Variants in SUGCT observed in about 807,000 individuals in gnomAD.
SUGCT encodes succinyl-CoA:glutarate CoA-transferase.
In SUGCT, 41 loss-of-function variants were observed where a neutral mutation model predicts 55.0. The observed-to-expected ratio is 0.74, with a 90% CI of 0.58 to 0.97. SUGCT has a LOEUF of 0.97. Ranked by LOEUF, SUGCT falls within the 50% of genes least tolerant of loss-of-function variation. SUGCT has a pLI of 0.00. For missense variants in SUGCT, 568 were observed against 547.8 expected (o/e 1.04, Z -0.37); for synonymous variants, 187 against 200.4 (o/e 0.93, Z 0.56).
intron 9 of SUGCT, among the ~76,000 whole-genome samples, chr7:40,364,177 C>T (rs1783798698): frequency 6.6e-6 from 1 of 152,020 alleles, no homozygotes; most frequent in East Asian, 1.9e-4. Context: ...GTAGATCTTC[C>T]TACATCCTTT....
At chr7:40,291,201 C>T (rs1479534257) in intron 8 of SUGCT, among the ~76,000 whole-genome samples, 1 of 152,086 alleles carries the variant, frequency 6.6e-6, no homozygotes, top group Non-Finnish European at 1.5e-5. Context: ...AAGACACATG[C>T]ACACGTGTGT....
chr7:40,769,364 C>T (rs1788971078), intron 13 of SUGCT, among the ~76,000 whole-genome samples: 1 of 152,136 alleles, frequency 6.6e-6, no homozygotes, highest in Non-Finnish European at 1.5e-5. Flanking sequence ...ATGTCTTAAT[C>T]CCTGGAACTT....
chr7:40,947,630 C>T, the SUGCT span, among the ~76,000 whole-genome samples: 1 of 152,014 alleles, frequency 6.6e-6, no homozygotes. Context: ...GTAATGGTGC[C>T]ATGTTTTATT....
chr7:40,337,692 C>T (rs1796794750), intron 9 of SUGCT, among the ~76,000 whole-genome samples: 1 of 152,156 alleles, frequency 6.6e-6, no homozygotes, highest in South Asian at 2.1e-4. Context: ...TGGGTCTTGA[C>T]TCTTTATCCA....
At position 40,239,295 on chromosome 7, in the gene SUGCT, T is replaced by C. The variant is rs147829751; in HGVS notation, c.576+1569T>C. 7.7e-3 allele frequency among the ~76,000 whole-genome samples: 1,175 copies of C among 152,196 alleles called. 7 individuals are homozygous for C. Among genetic ancestry groups the C allele is most frequent in the South Asian group, 0.015 (71 of 4,820 alleles). ...GGTGTCCCATTATGTTGCTCAGGCT[T>C]GTCTTGAACTCCTGGACTCACGACA... On this transcript the variant is annotated intron_variant, in intron 7 of 13. Coordinates refer to ENST00000335693, the MANE Select transcript of SUGCT (RefSeq NM_001193313.2).
chr7:40,241,390 C>G (rs1329902963), intron 7 of SUGCT, among the ~76,000 whole-genome samples: 1 of 151,444 alleles, frequency 6.6e-6, no homozygotes, highest in African/African-American at 2.4e-5. Context: ...ACCAGCCTGG[C>G]CAACATGGTG....
chr7:40,500,173 T>C (rs1176304582), intron 12 of SUGCT, among the ~76,000 whole-genome samples: 1 of 152,184 alleles, frequency 6.6e-6, no homozygotes, highest in Admixed American at 6.5e-5. Flanking sequence ...TATGAGTGAT[T>C]GAAGCCTCTG....
intron 12 of SUGCT, among the ~76,000 whole-genome samples, chr7:40,617,989 C>T (rs751424046): frequency 6.6e-5 from 10 of 152,114 alleles, no homozygotes; most frequent in Non-Finnish European, 1.5e-4. Context: ...GTTGCTTAGT[C>T]ATTATGTATA....
intron 12 of SUGCT, among the ~76,000 whole-genome samples, chr7:40,637,730 TAA>T (rs1800083897): frequency 6.6e-6 from 1 of 152,224 alleles, no homozygotes; most frequent in Admixed American, 6.5e-5. Context: ...CTTAGTTTTA[TAA>T]AAGTGATCAT....
intron 9 of SUGCT, among the ~76,000 whole-genome samples, chr7:40,439,061 G>GGTATATATATGTGTGTGTGTGT (rs5883731): frequency 5.8e-5 from 3 of 51,898 alleles, no homozygotes; most frequent in African/African-American, 3.6e-4. Context: ...GTATATATAT[G>GGTATATATATGTGTGTGTGTGT]GTGTATATAT....
intron 13 of SUGCT, among the ~76,000 whole-genome samples, chr7:40,850,453 G>T (rs946492620): frequency 7.9e-5 from 12 of 152,160 alleles, no homozygotes; most frequent in African/African-American, 2.9e-4. Context: ...GAAGTCCTGT[G>T]TTTTCATTGT....
intron 13 of SUGCT, among the ~76,000 whole-genome samples, chr7:40,804,910 G>A (rs1791011893): frequency 1.3e-5 from 2 of 152,168 alleles, no homozygotes; most frequent in African/African-American, 4.8e-5. Context: ...AAACATTTGG[G>A]GGAGGGAAAG....
the SUGCT span, among the ~76,000 whole-genome samples, chr7:40,877,001 C>G: frequency 3.3e-5 from 5 of 152,102 alleles, no homozygotes; most frequent in Non-Finnish European, 7.4e-5. Flanking sequence ...CTTTAATATA[C>G]ACACGCATTT....
At chr7:40,852,152 C>T (rs998489652) in intron 13 of SUGCT, among the ~76,000 whole-genome samples, 2 of 152,174 alleles carry the variant, frequency 1.3e-5, no homozygotes, top group African/African-American at 2.4e-5. Context: ...TGGCTTGTGC[C>T]AAACTTGTCC....
intron 8 of SUGCT, among the ~76,000 whole-genome samples, chr7:40,291,623 T>C (rs1793778784): frequency 6.6e-6 from 1 of 151,184 alleles, no homozygotes; most frequent in Non-Finnish European, 1.5e-5. Context: ...ACCTGCACAT[T>C]GTGCACATGT....
chr7:40,503,827 A>G (rs1284109248), intron 12 of SUGCT, among the ~76,000 whole-genome samples: 1 of 152,240 alleles, frequency 6.6e-6, no homozygotes, highest in East Asian at 1.9e-4. Context: ...GAAAACCTGT[A>G]AAGTACATAT....
intron 12 of SUGCT, among the ~76,000 whole-genome samples, chr7:40,554,969 G>A (rs1795485468): frequency 6.6e-6 from 1 of 151,990 alleles, no homozygotes; most frequent in Non-Finnish European, 1.5e-5. Context: ...TATTCCTTCT[G>A]CATATCCTGG....
intron 12 of SUGCT, among the ~76,000 whole-genome samples, chr7:40,544,813 A>G (rs1794901908): frequency 6.6e-6 from 1 of 152,216 alleles, no homozygotes; most frequent in Admixed American, 6.5e-5. Flanking sequence ...GCTCAGACAA[A>G]TAAGACATAG....
At chr7:40,935,211 A>G in the SUGCT span, among the ~76,000 whole-genome samples, 1 of 152,312 alleles carries the variant, frequency 6.6e-6, no homozygotes, top group African/African-American at 2.4e-5. Context: ...CATGTGTTTT[A>G]TAATTTTGGC....
Sources: gnomAD v4.1 joint callset for allele counts (sites outside exome capture counted in the v4.1 genomes callset) on GRCh38, gnomAD v4.1.1 for gene constraint, MANE v1.5 for transcripts, NCBI Gene and HGNC (gene_info 2026-07-23, HGNC 2026-07-21) for gene names.